ARPC2: variants seen among roughly 807,000 people sequenced by gnomAD.
ARPC2 encodes the protein actin related protein 2/3 complex subunit 2.
In ARPC2, 4 loss-of-function variants were observed where a neutral mutation model predicts 38.6. The ratio of observed to expected loss-of-function variants is 0.10; its 90% confidence interval spans 0.05 to 0.24. The LOEUF (loss-of-function observed/expected upper bound fraction) is 0.24, where lower values mean the gene tolerates loss of function less well. Ranked by LOEUF, ARPC2 falls within the 10% of genes least tolerant of loss-of-function variation. The probability of loss-of-function intolerance (pLI) is 1.00; values close to 1 mark genes in which losing one functional copy is unlikely to be tolerated. For synonymous variants in ARPC2, 125 were observed against 140.8 expected (o/e 0.89, Z 0.79); for missense variants, 229 against 387.3 (o/e 0.59, Z 3.43).
intron 4 of ARPC2, chr2:218,233,430 C>T (rs1689688408): frequency 6.6e-6 from 1 of 151,650 alleles, no homozygotes; most frequent in Non-Finnish European, 1.5e-5. Flanking sequence ...AAAAGGGGTT[C>T]TTGGTTTTTT....
intron 8 of ARPC2, 130 bp from the exon 9 acceptor site, chr2:218,249,234 C>A: frequency 1.6e-6 from 1 of 635,964 alleles, no homozygotes; most frequent in Admixed American, 3.3e-5. Context: ...CCTGACAAAG[C>A]CTGGTAATAC....
At chr2:218,226,902 G>C (rs1332306356) in intron 3 of ARPC2, 2 of 401,652 alleles carry the variant, frequency 5.0e-6, no homozygotes, top group Admixed American at 5.0e-5. Context: ...AGGGAAACAT[G>C]AACAGCTAGA....
At position 218,241,141 on chromosome 2, in the gene ARPC2, G is replaced by A. The variant is rs777224488; in HGVS notation, c.549+1657G>A. ...CTTCATTCTGTTCCTTGGCAGGGTG[G>A]TAAAGATTTTTAAATTCTGAAGCAG... is the stretch of plus-strand genomic sequence containing the variant. On this transcript the variant is annotated intron_variant, in intron 7 of 10. Coordinates refer to ENST00000315717, the MANE Select transcript of ARPC2 (RefSeq NM_152862.3). 1.4e-4 allele frequency among the ~76,000 whole-genome samples: 21 copies of A among 152,164 alleles called. No individual in the cohort carries two copies. The South Asian group carries it at 1.4e-3, about 11-fold the overall frequency.
At chr2:218,234,459 T>C (rs1689719581) in intron 5 of ARPC2, 62 bp downstream of exon 5, 2 of 1,311,800 alleles carry the variant, frequency 1.5e-6, no homozygotes, top group African/African-American at 1.5e-5. Context: ...TTTTATATTA[T>C]GCTTTTTTTA....
Position 218,217,536 on chromosome 2 carries a change from G to T in ARPC2, c.66G>T (p.Ala22=). ...EETLALKFEN[A]AAGNKPEAVE... ...CGCTCGCGCTCAAGTTCGAGAACGC[G>T]GCCGCCGGGTGAGCGCGCGCCCGGG... The change falls in exon 2 of 11, where the codon GCG becomes GCT. Residue 22 remains alanine (A), a synonymous_variant. Coordinates refer to ENST00000315717, the MANE Select transcript of ARPC2 (RefSeq NM_152862.3). 6.2e-7 allele frequency: 1 copy of T among 1,612,462 alleles called. No individual in the cohort carries two copies. Among genetic ancestry groups the T allele is most frequent in the Non-Finnish European group, 8.5e-7 (1 of 1,179,236 alleles).
intron 2 of ARPC2, among the ~76,000 whole-genome samples, chr2:218,223,967 T>A (rs1421896831): frequency 6.6e-6 from 1 of 152,210 alleles, no homozygotes; most frequent in Admixed American, 6.5e-5. Flanking sequence ...GTTAAGGCAC[T>A]GAGTTCTCGG....
At chr2:218,242,815 C>A (rs1228578214) in intron 7 of ARPC2, among the ~76,000 whole-genome samples, 2 of 152,146 alleles carry the variant, frequency 1.3e-5, no homozygotes, top group African/African-American at 4.8e-5. Context: ...ACCCATTATT[C>A]TGTAGGGTCA....
intron 4 of ARPC2, among the ~76,000 whole-genome samples, chr2:218,230,891 G>A (rs1031811496): frequency 3.9e-5 from 6 of 152,054 alleles, no homozygotes; most frequent in African/African-American, 1.2e-4. Flanking sequence ...TAATAATCCT[G>A]GAAAGAAAGA....
rs527466298 is a variant in ARPC2, at chr2:218,234,821, A to G, written c.268+424A>G. On this transcript the variant is annotated intron_variant, in intron 5 of 10. Transcript: ENST00000315717. ...CACACTATTCTTGTGATTTCAAGTA[A>G]TAAAAATCAGACCCTTTCTTAATCC... The G allele has an allele frequency of 2.6e-5, 12 of 458,472 alleles. No individual in the cohort carries two copies. The East Asian group carries it at 7.6e-4, about 29-fold the overall frequency. 28.4% of individuals were successfully genotyped at this position (458,472 alleles called of 1,614,324 possible). A position where few individuals can be genotyped will look rare whatever the true frequency, so the allele number is the denominator to read the frequency against.
intron 8 of ARPC2, among the ~76,000 whole-genome samples, chr2:218,248,114 A>G (rs1690091467): frequency 1.3e-5 from 2 of 152,110 alleles, no homozygotes; most frequent in Admixed American, 1.3e-4. Context: ...TTGTCTTTGA[A>G]GCTGGGATGC....
intron 4 of ARPC2, among the ~76,000 whole-genome samples, chr2:218,231,345 A>G (rs1689628636): frequency 6.6e-6 from 1 of 152,194 alleles, no homozygotes; most frequent in Admixed American, 6.5e-5. Context: ...TGAACATGAT[A>G]TAAATTTGGC....
At position 218,254,247 on chromosome 2, in the gene ARPC2, A is replaced by AT. The variant is rs1690263622; in HGVS notation, c.*332_*333insT. The AT allele has an allele frequency of 7.7e-6, 2 of 259,204 alleles. No individual in the cohort carries two copies. The highest frequency in any genetic ancestry group is 1.5e-5 in the Non-Finnish European group (2 of 134,894). 16.1% of individuals were successfully genotyped at this position (259,204 alleles called of 1,614,324 possible). ...TATTACTGGTAATGAGTTGCAGGAT[A>AT]ATGCAGTCATAACTTGTTTTCTCCT... On this transcript the variant is annotated 3_prime_UTR_variant, in exon 11 of 11. Transcript: ENST00000315717.
chr2:218,252,938 G>A (rs1228959620), intron 10 of ARPC2: 2 of 456,626 alleles, frequency 4.4e-6, no homozygotes, highest in East Asian at 1.4e-4. Flanking sequence ...CTTCTTCTGT[G>A]CTGCAGCTTC....
intron 5 of ARPC2, among the ~76,000 whole-genome samples, chr2:218,237,431 T>A (rs961360951): frequency 6.6e-6 from 1 of 151,898 alleles, no homozygotes; most frequent in African/African-American, 2.4e-5. Flanking sequence ...ACTCCTGACC[T>A]CAGGTGATCC....
In ARPC2 at chr2:218,239,401, T is replaced by G; in HGVS notation, c.466T>G (p.Ser156Ala). 2 of 1,613,458 alleles carry G rather than the reference T, an allele frequency of 1.2e-6. No homozygotes were observed. Among genetic ancestry groups the G allele is most frequent in the Non-Finnish European group, 1.7e-6 (2 of 1,179,438 alleles). Residue 156 changes from serine (S) to alanine (A), a missense_variant, in exon 7 of 11, where the codon TCT becomes GCT. Around this residue, in one of 3 missense-constraint regions of ARPC2, gnomAD observed 135 missense variants for 214.1 expected, o/e 0.63. Coordinates refer to ENST00000315717, the MANE Select transcript of ARPC2 (RefSeq NM_152862.3). ...YRDDETMYVE[S>A]KKDRVTVVFS... The stretch of plus-strand genomic sequence containing the variant: ...TTTTGTTCCTCTCAGGTATGTTGAG[T>G]CTAAAAAGGACAGAGTCACAGTAGT...
At chr2:218,251,636 A>G (rs1355888498) in intron 10 of ARPC2, among the ~76,000 whole-genome samples, 1 of 151,982 alleles carries the variant, frequency 6.6e-6, no homozygotes, top group Non-Finnish European at 1.5e-5. Flanking sequence ...GTATTTTTGT[A>G]GAGACGGGAT....
intron 2 of ARPC2, among the ~76,000 whole-genome samples, chr2:218,218,786 C>G (rs1032086296): frequency 8.5e-5 from 13 of 152,184 alleles, no homozygotes; most frequent in African/African-American, 1.4e-4. Flanking sequence ...GTCCTGTCTC[C>G]TTTATAAGGC....
chr2:218,248,553 C>T (rs530377481), intron 8 of ARPC2, among the ~76,000 whole-genome samples: 2 of 152,160 alleles, frequency 1.3e-5, no homozygotes, highest in African/African-American at 2.4e-5. Context: ...CTCCACCCCC[C>T]GGGTTTAAGC....
intron 4 of ARPC2, 95 bp downstream of exon 4, chr2:218,228,945 C>G: frequency 1.4e-6 from 1 of 740,736 alleles, no homozygotes; most frequent in Non-Finnish European, 2.3e-6. Flanking sequence ...AAATCACCCC[C>G]ACATGACTAC....
Sources: allele counts gnomAD v4.1 joint callset (sites outside exome capture counted in the v4.1 genomes callset), GRCh38; gene constraint gnomAD v4.1.1; regional missense constraint gnomAD v4.1.1; transcripts MANE v1.5; gene names NCBI Gene and HGNC (gene_info 2026-07-23, HGNC 2026-07-21).